MAP3K15: variants seen among roughly 807,000 people sequenced by gnomAD.
MAP3K15 encodes the protein MAPK/ERK kinase kinase 15.
MAP3K15 carries 124 observed loss-of-function variants against 99.5 expected under a neutral mutation model. The ratio of observed to expected loss-of-function variants is 1.25; its 90% CI spans 1.08 to 1.45. MAP3K15 has a LOEUF of 1.45. Among genes scored for constraint, MAP3K15 ranks in the 40% most tolerant of loss-of-function variants. The pLI, the probability that MAP3K15 is intolerant of heterozygous loss-of-function variation, is 0.00. For synonymous variants in MAP3K15, 494 were observed against 439.6 expected, an observed-to-expected ratio of 1.12 and a Z score of -1.55; for missense variants, 1,242 against 1,079.7, an observed-to-expected ratio of 1.15 and a Z score of -2.11.
chrX:19,382,188 G>C (rs1294251720), intron 18 of MAP3K15, among the ~76,000 whole-genome samples: 1 of 101,503 alleles, frequency 9.9e-6, no homozygotes, highest in African/African-American at 3.7e-5. Context: ...GGCTCGCAGT[G>C]AGCTGAGATC....
intron 16 of MAP3K15, among the ~76,000 whole-genome samples, chrX:19,393,356 C>T (rs1198624278): frequency 1.8e-5 from 2 of 112,060 alleles, no homozygotes; most frequent in Non-Finnish European, 1.9e-5. Context: ...AGGGGCCGGG[C>T]ACGGTGGCTC....
At chrX:19,455,752 C>T (rs943462615) in intron 6 of MAP3K15, among the ~76,000 whole-genome samples, 1 of 109,941 alleles carries the variant, frequency 9.1e-6, no homozygotes, top group African/African-American at 3.3e-5. Context: ...ACGGTTACCT[C>T]TACTATGTCT....
chrX:19,486,468 A>G lies in MAP3K15; in HGVS notation c.525+14T>C. ...TAATTTCAGAATTAAAATTCTGAAA[A>G]TGTTAATACTTACTGTGTTTTTTTG... On this transcript the variant is annotated intron_variant, in intron 3 of 28. Transcript: ENST00000338883. 1.3e-6 allele frequency: 1 copy of G among 783,188 alleles called. No individual in the cohort carries two copies. The highest frequency in any genetic ancestry group is 1.8e-6 in the Non-Finnish European group (1 of 569,686). 64.5% of individuals were successfully genotyped at this position (783,188 alleles called of 1,213,427 possible). A position where few individuals can be genotyped will look rare whatever the true frequency, so the allele number is the denominator to read the frequency against.
rs763576501 is a variant in MAP3K15 at position 19,376,882 on chromosome X, AAAAG to A, written c.2590-2226_2590-2223del. On this transcript the variant is annotated intron_variant, in intron 19 of 28. Coordinates refer to ENST00000338883, the MANE Select transcript of MAP3K15 (RefSeq NM_001001671.4). ...TTCACTTGACTAGTTAAAAAAAATA[AAAAG>A]AAAGATTTAAAAAAGAAAAAAAAAA... 17 of 111,319 alleles carry A rather than the reference AAAAG, an allele frequency of 1.5e-4. 1 individual carries two copies. In the East Asian group the frequency reaches 4.8e-3, roughly 31 times the overall value. The allele number at this position is 111,319 out of a possible 1,213,427, so 9.2% of individuals were successfully genotyped here.
At position 19,372,767 on chromosome X, in the gene MAP3K15, C is replaced by T. The variant is rs1475207108; in HGVS notation, c.2994G>A (p.Arg998=). Residue 998 remains arginine (R), a synonymous_variant, in exon 22 of 29, where the codon AGG becomes AGA. Coordinates refer to ENST00000338883, the MANE Select transcript of MAP3K15 (RefSeq NM_001001671.4). ...TGCGTAGCAGGAAGAGGCCCTGGTC[C>T]CTGTCCTCCGGGGACGAGGCCAAGC... is the stretch of plus-strand genomic sequence containing the variant. ...DRGLASSPED[R]DQGLFLLRKD... is the part of the protein sequence containing the mutation. 1.7e-6 allele frequency: 2 copies of T among 1,211,767 alleles called. No individual in the cohort carries two copies. The highest frequency in any genetic ancestry group is 5.9e-5 in the East Asian group (2 of 33,814).
At chrX:19,429,006 C>A (rs1051801597) in intron 7 of MAP3K15, among the ~76,000 whole-genome samples, 1 of 110,337 alleles carries the variant, frequency 9.1e-6, no homozygotes, top group Non-Finnish European at 1.9e-5. Flanking sequence ...AATGAAACAG[C>A]AGTGATTTGG....
At chrX:19,365,321 G>A (rs2063327799) in intron 25 of MAP3K15, among the ~76,000 whole-genome samples, 1 of 112,117 alleles carries the variant, frequency 8.9e-6, no homozygotes, top group Non-Finnish European at 1.9e-5. Flanking sequence ...TACTCAGAGA[G>A]GCCAAGAAGG....
chrX:19,489,464 C>T (rs747328960), intron 1 of MAP3K15, among the ~76,000 whole-genome samples: 3 of 110,800 alleles, frequency 2.7e-5, no homozygotes, highest in East Asian at 2.9e-4. Context: ...ATAGAATGAA[C>T]GTTTGTGTCC....
intron 6 of MAP3K15, among the ~76,000 whole-genome samples, chrX:19,431,932 A>G: frequency 9.9e-6 from 1 of 100,609 alleles, no homozygotes; most frequent in East Asian, 3.1e-4. Context: ...CGACAGAGTG[A>G]GACCCTGCTT....
At chrX:19,475,031 A>G (rs1333478642) in intron 3 of MAP3K15, among the ~76,000 whole-genome samples, 1 of 110,742 alleles carries the variant, frequency 9.0e-6, no homozygotes, top group South Asian at 3.9e-4. Flanking sequence ...GGATGATTCA[A>G]GTGCATTACA....
rs1187290256 is a variant in MAP3K15 at position 19,360,733 on chromosome X, G to A, written c.*16C>T. On this transcript the variant is annotated 3_prime_UTR_variant, in exon 29 of 29. Coordinates refer to ENST00000338883, the MANE Select transcript of MAP3K15 (RefSeq NM_001001671.4). Reference sequence around the variant, plus strand: ...TAGCGTGGTGGGACACTCTGCCACAGCTTAGCTGATTGGTATCAAGCCTTG... The same window carrying A: ...TAGCGTGGTGGGACACTCTGCCACAACTTAGCTGATTGGTATCAAGCCTTG... 5.9e-6 allele frequency: 7 copies of A among 1,186,327 alleles called. No individual in the cohort carries two copies. Among genetic ancestry groups the A allele is most frequent in the Non-Finnish European group, 8.0e-6 (7 of 874,153 alleles).
chrX:19,431,521 G>C lies in MAP3K15; in HGVS notation c.1083C>G (p.Phe361Leu), dbSNP rs972449437. The change falls in exon 7 of 29, where the codon TTC becomes TTG. Residue 361 changes from phenylalanine to leucine, a missense_variant. Physicochemically the swap from Phe to Leu is conservative, Grantham distance 22. Transcript: ENST00000338883. ...QSCDHPGPDM[F>L]CLCGRIYKDI... ...CCTTGTAGATCCTCCCACACAGGCAGAACATGTCGGGGCCCGGGTGATCAC... is the reference window on the plus strand; with the variant it reads ...CCTTGTAGATCCTCCCACACAGGCACAACATGTCGGGGCCCGGGTGATCAC... 12 of 1,199,824 alleles carry C rather than the reference G, an allele frequency of 1.0e-5. No homozygotes were observed. The highest frequency in any genetic ancestry group is 1.3e-5 in the Non-Finnish European group (12 of 894,646).
At position 19,413,355 on chromosome X, in the gene MAP3K15, A is replaced by C; in HGVS notation, c.1698+2T>G. ...AAATTGCTTGTGATTTTTCCTCCTT[A>C]CCATTTCTGTGGGTGAGACATGCCA... On this transcript the variant is annotated splice_donor_variant, in intron 11 of 28. Coordinates refer to ENST00000338883, the MANE Select transcript of MAP3K15 (RefSeq NM_001001671.4). LOFTEE classifies it high-confidence loss of function. 8.5e-7 allele frequency: 1 copy of C among 1,177,929 alleles called. No homozygotes were observed. The highest frequency in any genetic ancestry group is 1.2e-6 in the Non-Finnish European group (1 of 869,156).
intron 6 of MAP3K15, among the ~76,000 whole-genome samples, chrX:19,448,046 A>C: frequency 9.3e-6 from 1 of 107,843 alleles, no homozygotes; most frequent in East Asian, 2.8e-4. Flanking sequence ...ATCTACAGGA[A>C]AGTCAATGTT....
At chrX:19,467,500 G>T (rs1400464063) in intron 3 of MAP3K15, among the ~76,000 whole-genome samples, 1 of 111,062 alleles carries the variant, frequency 9.0e-6, no homozygotes, top group African/African-American at 3.3e-5. Flanking sequence ...TGGGCGCAGT[G>T]GCTCACACCT....
intron 6 of MAP3K15, among the ~76,000 whole-genome samples, chrX:19,442,697 A>T (rs1175907607): frequency 3.1e-5 from 3 of 95,906 alleles, no homozygotes; most frequent in East Asian, 3.1e-4. Context: ...CTTTTATTTT[A>T]TTATTATTAT....
At chrX:19,434,934 T>C (rs896987738) in intron 6 of MAP3K15, among the ~76,000 whole-genome samples, 2 of 112,136 alleles carry the variant, frequency 1.8e-5, no homozygotes, top group African/African-American at 3.2e-5. Flanking sequence ...GATCCTGTTC[T>C]AACATATTTT....
intron 1 of MAP3K15, among the ~76,000 whole-genome samples, chrX:19,491,507 G>C (rs2064368330): frequency 9.1e-6 from 1 of 109,390 alleles, no homozygotes; most frequent in South Asian, 4.1e-4. Flanking sequence ...TCAAAGGGAA[G>C]GAAAGAGCGG....
intron 2 of MAP3K15, among the ~76,000 whole-genome samples, chrX:19,487,125 G>A (rs957349191): frequency 9.7e-5 from 8 of 82,211 alleles, no homozygotes; most frequent in Non-Finnish European, 1.8e-4. Flanking sequence ...AACATTTCTG[G>A]GGGTGGGGGG....
Sources: allele counts gnomAD v4.1 joint callset (sites outside exome capture counted in the v4.1 genomes callset), GRCh38; gene constraint gnomAD v4.1.1; transcripts MANE v1.5; gene names NCBI Gene and HGNC (gene_info 2026-07-23, HGNC 2026-07-21).